The following CTNND2 variants were observed in gnomAD, a reference collection of about 807,000 sequenced individuals.
The protein encoded by CTNND2 is catenin delta-2.
Under a neutral mutation model 144.4 loss-of-function variants are expected in CTNND2, and 22 were observed. That is an observed-to-expected ratio of 0.15 (90% CI 0.11 to 0.22). The LOEUF (loss-of-function observed/expected upper bound fraction) is 0.22. Among genes scored for constraint, CTNND2 ranks in the 10% least tolerant of loss-of-function variants. CTNND2 has a pLI of 1.00. For missense variants in CTNND2, 1,353 were observed against 1,618.8 expected (o/e 0.84, Z 2.82); for synonymous variants, 751 against 695.6 (o/e 1.08, Z -1.25).
intron 6 of CTNND2, among the ~76,000 whole-genome samples, chr5:11,390,697 G>T (rs895775440): frequency 6.6e-6 from 1 of 152,232 alleles, no homozygotes; most frequent in African/African-American, 2.4e-5. Flanking sequence ...ATGCTGGGCA[G>T]CCGGGCCAAC....
chr5:11,577,670 A>G (rs1778071393), intron 2 of CTNND2, among the ~76,000 whole-genome samples: 1 of 152,158 alleles, frequency 6.6e-6, no homozygotes, highest in Non-Finnish European at 1.5e-5. Context: ...GGGCAAATTT[A>G]CCATCAGGCA....
chr5:11,358,777 T>TG (rs1756158388), intron 8 of CTNND2, among the ~76,000 whole-genome samples: 1 of 39,796 alleles, frequency 2.5e-5, no homozygotes, highest in Non-Finnish European at 5.7e-5. Context: ...TGTGTAACTA[T>TG]TTCACCACAT....
Position 11,369,201 on chromosome 5 carries a change from T to C in CTNND2, c.1178-4311A>G, listed in dbSNP as rs188229072. On this transcript the variant is annotated intron_variant, in intron 7 of 21. Coordinates refer to ENST00000304623, the MANE Select transcript of CTNND2 (RefSeq NM_001332.4). ...TGGATTATTGCAAAAAATGTAGGAA[T>C]GAATGACGTTCATAAGGAAAGAAAA... Among the ~76,000 whole-genome samples, 25 of 152,316 alleles carry C rather than the reference T, an allele frequency of 1.6e-4. No individual in the cohort carries two copies. In the East Asian group the frequency reaches 4.6e-3, roughly 28 times the overall value.
intron 5 of CTNND2, among the ~76,000 whole-genome samples, chr5:11,404,602 CTTTTTTTTTTTTTTTTTT>C (rs555388304): frequency 2.4e-4 from 14 of 57,384 alleles, no homozygotes; most frequent in South Asian, 1.1e-3. Flanking sequence ...TATCTGTATT[CTTTTTTTTTTTTTTTTTT>C]TTTTTTTTTT....
intron 3 of CTNND2, among the ~76,000 whole-genome samples, chr5:11,473,740 T>G (rs760715115): frequency 2.6e-5 from 4 of 152,136 alleles, no homozygotes; most frequent in Admixed American, 2.0e-4. Context: ...AGCCAGGAAC[T>G]GAGGAGAAAG....
In CTNND2 at chr5:11,564,956, A is replaced by G; in HGVS notation, c.275T>C (p.Met92Thr). 2.5e-6 allele frequency: 4 copies of G among 1,613,596 alleles called. No homozygotes were observed. The highest frequency in any genetic ancestry group is 3.4e-6 in the Non-Finnish European group (4 of 1,179,530). ...RCKLGSETGS[M>T]SSMSSAEEQF... ...GCGGCGCTAGTACCTCATGCTGCTC[A>G]TGCTGCCAGTCTCGGATCCGAGCTT... Residue 92 changes from methionine to threonine, a missense_variant, in exon 3 of 22, where the codon ATG becomes ACG. Transcript: ENST00000304623.
chr5:11,155,145 G>A (rs1232217701), intron 12 of CTNND2, among the ~76,000 whole-genome samples: 1 of 152,214 alleles, frequency 6.6e-6, no homozygotes, highest in African/African-American at 2.4e-5. Context: ...CCAGCTCAAT[G>A]TTCCCTGGTT....
intron 3 of CTNND2, among the ~76,000 whole-genome samples, chr5:11,502,027 CAAAAAAAAAA>C (rs547364682): frequency 1.0e-4 from 6 of 57,266 alleles, no homozygotes; most frequent in Admixed American, 4.7e-4. Flanking sequence ...GACTCCATCT[CAAAAAAAAAA>C]AAAAAAAAAA....
intron 13 of CTNND2, 132 bp downstream of exon 13, chr5:11,117,318 T>A (rs149993721): frequency 1.4e-6 from 1 of 709,960 alleles, no homozygotes; most frequent in African/African-American, 1.8e-5. Flanking sequence ...TGGATTCTTA[T>A]AAGGAAACCA....
At chr5:11,739,915 A>G (rs1787900252) in intron 1 of CTNND2, among the ~76,000 whole-genome samples, 1 of 152,210 alleles carries the variant, frequency 6.6e-6, no homozygotes, top group African/African-American at 2.4e-5. Flanking sequence ...AGAGAGCCAG[A>G]TGATGAGTGA....
intron 9 of CTNND2, among the ~76,000 whole-genome samples, chr5:11,246,788 A>T (rs911694751): frequency 6.6e-6 from 1 of 152,060 alleles, no homozygotes; most frequent in East Asian, 1.9e-4. Context: ...AGAAGGTGAC[A>T]CCGGAGCTGA....
intron 2 of CTNND2, among the ~76,000 whole-genome samples, chr5:11,626,151 A>T (rs1337711804): frequency 6.6e-6 from 1 of 152,188 alleles, no homozygotes; most frequent in Non-Finnish European, 1.5e-5. Context: ...ATTTGGTCAC[A>T]GAGATTTCCA....
intron 2 of CTNND2, among the ~76,000 whole-genome samples, chr5:11,670,262 G>A (rs545717858): frequency 1.3e-5 from 2 of 152,126 alleles, no homozygotes; most frequent in African/African-American, 4.8e-5. Flanking sequence ...ATGTTTATTA[G>A]GTCTACTTGG....
chr5:11,323,310 G>A (rs1482901742), intron 9 of CTNND2, among the ~76,000 whole-genome samples: 3 of 151,588 alleles, frequency 2.0e-5, no homozygotes, highest in Non-Finnish European at 2.9e-5. Context: ...TTAGCCTCCT[G>A]AGTAGCTGAG....
intron 3 of CTNND2, among the ~76,000 whole-genome samples, chr5:11,419,270 T>TA: frequency 6.6e-6 from 1 of 152,158 alleles, no homozygotes; most frequent in South Asian, 2.1e-4. Flanking sequence ...AACATTATTT[T>TA]AAAAATATCT....
intron 2 of CTNND2, among the ~76,000 whole-genome samples, chr5:11,679,366 G>A (rs1396626603): frequency 6.6e-6 from 1 of 152,130 alleles, no homozygotes; most frequent in African/African-American, 2.4e-5. Context: ...CAGAAATATG[G>A]AGATTAAAAC....
chr5:11,254,813 T>C (rs1177826482), intron 9 of CTNND2, among the ~76,000 whole-genome samples: 1 of 152,196 alleles, frequency 6.6e-6, no homozygotes, highest in African/African-American at 2.4e-5. Context: ...AAGAATTATC[T>C]GGCCCAAAAT....
At chr5:11,160,016 G>C (rs927146580) in intron 11 of CTNND2, among the ~76,000 whole-genome samples, 6 of 152,216 alleles carry the variant, frequency 3.9e-5, no homozygotes, top group Non-Finnish European at 7.3e-5. Flanking sequence ...AGGTTGCGAG[G>C]TCTGATTGAA....
chr5:11,039,057 A>G (rs1744392346), intron 16 of CTNND2, among the ~76,000 whole-genome samples: 1 of 152,244 alleles, frequency 6.6e-6, no homozygotes, highest in Admixed American at 6.5e-5. Context: ...AGCCAAGCTC[A>G]GGGAAACAAT....
Sources: allele counts gnomAD v4.1 joint callset (sites outside exome capture counted in the v4.1 genomes callset), GRCh38; gene constraint gnomAD v4.1.1; transcripts MANE v1.5; gene names NCBI Gene and HGNC (gene_info 2026-07-23, HGNC 2026-07-21).